The following TENM3 variants were observed in gnomAD, a reference collection of about 807,000 sequenced individuals.
TENM3 encodes teneurin-3.
Under a neutral mutation model 255.1 loss-of-function variants are expected in TENM3, and 63 were observed. The ratio of observed to expected loss-of-function variants is 0.25; its 90% confidence interval spans 0.20 to 0.30. The LOEUF (loss-of-function observed/expected upper bound fraction) is 0.30, where lower values mean the gene tolerates loss of function less well. Among genes scored for constraint, TENM3 ranks in the 10% least tolerant of loss-of-function variants. The pLI, the probability that TENM3 is intolerant of heterozygous loss-of-function variation, is 1.00. For missense variants in TENM3, 2,929 were observed against 3,461.1 expected (o/e 0.85, Z 3.86); for synonymous variants, 1,306 against 1,322.3 (o/e 0.99, Z 0.27).
At chr4:181,722,759 G>A in the TENM3 span, among the ~76,000 whole-genome samples, 108,507 of 152,026 alleles carry the variant, frequency 0.71, 39,890 homozygotes, top group East Asian at 0.81. Context: ...CAATCTTTAT[G>A]TTTCATGATG....
chr4:182,670,820 C>T (rs781578819), intron 6 of TENM3, among the ~76,000 whole-genome samples: 1 of 152,156 alleles, frequency 6.6e-6, no homozygotes, highest in Non-Finnish European at 1.5e-5. Context: ...TATACACACA[C>T]CCCACCACCA....
the TENM3 span, among the ~76,000 whole-genome samples, chr4:181,564,514 A>G: frequency 2.6e-5 from 4 of 152,144 alleles, no homozygotes; most frequent in Non-Finnish European, 5.9e-5. Flanking sequence ...CCCCATGTCC[A>G]GTGCACTCAA....
intron 3 of TENM3, among the ~76,000 whole-genome samples, chr4:182,426,880 C>A (rs2151169576): frequency 6.6e-6 from 1 of 152,226 alleles, no homozygotes; most frequent in Non-Finnish European, 1.5e-5. Flanking sequence ...CCCCTGTGTT[C>A]ATTATCTGTT....
intron 21 of TENM3, among the ~76,000 whole-genome samples, chr4:182,753,872 T>C (rs921997464): frequency 1.3e-5 from 2 of 152,218 alleles, no homozygotes; most frequent in Non-Finnish European, 2.9e-5. Flanking sequence ...AGTAGGAGCA[T>C]GCAGGTATTC....
intron 7 of TENM3, among the ~76,000 whole-genome samples, chr4:182,673,712 G>A (rs944720165): frequency 2.6e-5 from 4 of 152,146 alleles, no homozygotes; most frequent in African/African-American, 7.2e-5. Context: ...CTCAGGCGCC[G>A]TGCCTCATCT....
At chr4:181,720,607 A>G in the TENM3 span, among the ~76,000 whole-genome samples, 3,617 of 152,128 alleles carry the variant, frequency 0.024, 132 homozygotes, top group African/African-American at 0.082. Context: ...ATTTAAAACT[A>G]TAAAGTCCTT....
At chr4:182,472,394 G>C (rs1424219350) in intron 3 of TENM3, among the ~76,000 whole-genome samples, 1 of 151,982 alleles carries the variant, frequency 6.6e-6, no homozygotes, top group Non-Finnish European at 1.5e-5. Flanking sequence ...TTTTAAAATT[G>C]TTCTGTGTAC....
chr4:181,606,308 T>C, the TENM3 span, among the ~76,000 whole-genome samples: 1 of 152,182 alleles, frequency 6.6e-6, no homozygotes, highest in African/African-American at 2.4e-5. Context: ...TGTCTCTCTC[T>C]GTGCCATGCC....
the TENM3 span, among the ~76,000 whole-genome samples, chr4:181,588,993 G>A: frequency 6.6e-6 from 1 of 152,046 alleles, no homozygotes; most frequent in Middle Eastern, 3.2e-3. Context: ...TCCACTCAGT[G>A]TATTTCATTA....
At chr4:182,620,124 C>T (rs1749962024) in intron 4 of TENM3, among the ~76,000 whole-genome samples, 1 of 152,140 alleles carries the variant, frequency 6.6e-6, no homozygotes, top group African/African-American at 2.4e-5. Context: ...AGCTGTATGA[C>T]TCGGCAGAGT....
the TENM3 span, among the ~76,000 whole-genome samples, chr4:181,826,237 A>G: frequency 1.3e-5 from 2 of 152,204 alleles, no homozygotes; most frequent in African/African-American, 4.8e-5. Flanking sequence ...ATGAATAGTT[A>G]TCTGTAATTA....
At chr4:182,215,585 C>T (rs1188149979) in intron 1 of TENM3, among the ~76,000 whole-genome samples, 1 of 152,064 alleles carries the variant, frequency 6.6e-6, no homozygotes, top group East Asian at 1.9e-4. Flanking sequence ...TATGGAGTGG[C>T]AAATTGGAAT....
chr4:181,810,911 T>C, the TENM3 span, among the ~76,000 whole-genome samples: 2 of 152,048 alleles, frequency 1.3e-5, no homozygotes, highest in African/African-American at 4.8e-5. Flanking sequence ...TTCCCTGGCC[T>C]GGGTGACTAC....
intron 3 of TENM3, among the ~76,000 whole-genome samples, chr4:182,600,082 G>GGTTTATTCAAA (rs1747680323): frequency 6.6e-6 from 1 of 152,170 alleles, no homozygotes; most frequent in Non-Finnish European, 1.5e-5. Flanking sequence ...TTTATGTTTT[G>GGTTTATTCAAA]AAGTTGTCAG....
At chr4:182,344,865 A>T (rs892481516) in intron 2 of TENM3, among the ~76,000 whole-genome samples, 12 of 152,180 alleles carry the variant, frequency 7.9e-5, no homozygotes. Flanking sequence ...TTAACTGTTC[A>T]TGTGGACACT....
At chr4:182,223,153 A>G (rs1444953040) in intron 1 of TENM3, among the ~76,000 whole-genome samples, 1 of 152,226 alleles carries the variant, frequency 6.6e-6, no homozygotes, top group Admixed American at 6.5e-5. Context: ...TGGAAAGAAT[A>G]TAATACCTTC....
chr4:181,530,071 C>A, the TENM3 span, among the ~76,000 whole-genome samples: 1 of 152,090 alleles, frequency 6.6e-6, no homozygotes, highest in African/African-American at 2.4e-5. Flanking sequence ...TAACTGTGTA[C>A]AATTACATTT....
At chr4:182,487,803 A>G (rs1259508276) in intron 3 of TENM3, among the ~76,000 whole-genome samples, 2 of 152,194 alleles carry the variant, frequency 1.3e-5, no homozygotes, top group Non-Finnish European at 2.9e-5. Flanking sequence ...ATTCATTCAA[A>G]CATTTATTCT....
At chr4:182,107,153 C>T in the TENM3 span, among the ~76,000 whole-genome samples, 2 of 28,686 alleles carry the variant, frequency 7.0e-5, no homozygotes, top group East Asian at 7.2e-4. Context: ...ACAGAACATA[C>T]ACACACACAC....
Sources: gnomAD v4.1 joint callset for allele counts (sites outside exome capture counted in the v4.1 genomes callset) on GRCh38, gnomAD v4.1.1 for gene constraint, MANE v1.5 for transcripts, NCBI Gene and HGNC (gene_info 2026-07-23, HGNC 2026-07-21) for gene names.